Variants in FBLN1 observed in about 807,000 individuals in gnomAD.
FBLN1 encodes the protein fibulin 1.
A neutral mutation model predicts 89.7 loss-of-function variants in FBLN1; 34 were observed. The ratio of observed to expected loss-of-function variants is 0.38; its 90% CI spans 0.29 to 0.50. FBLN1 has a LOEUF of 0.50. FBLN1 is among the 20% of genes least tolerant of loss of function. The pLI is 0.92. For missense variants in FBLN1, 777 were observed against 988.1 expected, an observed-to-expected ratio of 0.79 and a Z score of 2.86; for synonymous variants, 393 against 391.3, an observed-to-expected ratio of 1.00 and a Z score of -0.05.
At chr22:45,543,042 G>GA (rs2088578127) in intron 10 of FBLN1, among the ~76,000 whole-genome samples, 1 of 152,168 alleles carries the variant, frequency 6.6e-6, no homozygotes, top group African/African-American at 2.4e-5. Context: ...TAAGGCAGGT[G>GA]AATCACTTGA....
intron 7 of FBLN1, 56 bp from the exon 8 acceptor site, chr22:45,535,144 T>C: frequency 5.6e-6 from 9 of 1,606,128 alleles, no homozygotes; most frequent in Non-Finnish European, 6.8e-6. Context: ...TAAAGTGTTG[T>C]AAGATGCTTC....
Position 45,527,994 on chromosome 22 carries a change from G to T in FBLN1, c.469G>T (p.Gly157Cys). Residue 157 changes from glycine to cysteine, a missense_variant, in exon 4 of 17, where the codon GGC becomes TGC. Transcript: ENST00000327858. ...GGAGACCGGAGATTTGGATGTCGGG[G>T]GCCTCCAAGAAACGGGTAACTTTCC... ...SQETGDLDVG[G>C]LQETDKIIEV... The T allele has an allele frequency of 6.2e-7, 1 of 1,614,200 alleles. No homozygotes were observed.
In FBLN1 at chr22:45,525,652, G is replaced by A. The variant is rs1569239672; in HGVS notation, c.295G>A (p.Ala99Thr). The A allele has an allele frequency of 2.6e-6, 4 of 1,551,378 alleles. No individual in the cohort carries two copies. Among genetic ancestry groups the A allele is most frequent in the East Asian group, 2.4e-5 (1 of 40,924 alleles). Reference sequence around the variant, plus strand: ...CTGTGCCACGCCCCACGGTGACAACGCCAGCCTGGAGGCCACATTTGTGAA... The same window carrying A: ...CTGTGCCACGCCCCACGGTGACAACACCAGCCTGGAGGCCACATTTGTGAA... Reference protein sequence around the residue: ...DRCATPHGDNASLEATFVKRC... With the variant: ...DRCATPHGDNTSLEATFVKRC... Residue 99 changes from alanine (A) to threonine (T), a missense_variant, in exon 3 of 17, where the codon GCC becomes ACC. Ala to Thr is a moderately conservative substitution (Grantham distance 58, BLOSUM62 0). Transcript: ENST00000327858.
At chr22:45,589,796 C>G (rs1193156797) in intron 16 of FBLN1, among the ~76,000 whole-genome samples, 1 of 152,088 alleles carries the variant, frequency 6.6e-6, no homozygotes, top group East Asian at 1.9e-4. Context: ...GAGCACCAAG[C>G]TGCCTCATGT....
chr22:45,589,417 C>T (rs2089116805), intron 16 of FBLN1, among the ~76,000 whole-genome samples: 1 of 152,124 alleles, frequency 6.6e-6, no homozygotes, highest in Admixed American at 6.6e-5. Context: ...CGGTCCATAG[C>T]GTAGGTGTAT....
At position 45,525,099 on chromosome 22, in the gene FBLN1, A is replaced by AAGGGAAAGAGAGAGAGAGAGAG. The variant is rs1321119072; in HGVS notation, c.186-442_186-421dup. On this transcript the variant is annotated intron_variant, in intron 2 of 16. Coordinates refer to ENST00000327858, the MANE Select transcript of FBLN1 (RefSeq NM_006486.3). ...AAAGAAAGAAAGAGAGAAAGAGAGA[A>AAGGGAAAGAGAGAGAGAGAGAG]AGGGAAAGAGAGAGAGAGAGAGAAA... Among the ~76,000 whole-genome samples the AAGGGAAAGAGAGAGAGAGAGAG allele has an allele frequency of 3.5e-5, 5 of 144,012 alleles. No individual in the cohort carries two copies. The East Asian group carries it at 1.1e-3, about 31-fold the overall frequency. The allele number at this position is 144,012 out of a possible 152,430, so 94.5% of individuals were successfully genotyped here. A position where few individuals can be genotyped will look rare whatever the true frequency, so the allele number is the denominator to read the frequency against.
In FBLN1 at chr22:45,545,141, C is replaced by T. The variant is rs965289795; in HGVS notation, c.1321+1615C>T. Among the ~76,000 whole-genome samples the T allele has an allele frequency of 1.3e-5, 2 of 152,146 alleles. No individual in the cohort carries two copies. Among genetic ancestry groups the T allele is most frequent in the East Asian group, 1.9e-4 (1 of 5,198 alleles). On this transcript the variant is annotated intron_variant, in intron 11 of 16. Coordinates refer to ENST00000327858, the MANE Select transcript of FBLN1 (RefSeq NM_006486.3). The surrounding 1 kb of genome is among the most constrained non-coding windows in gnomAD (Gnocchi z 5.9). ...TGTGCATGATTCTCAAATCGGAGGA[C>T]GGACGGTGTGAGGGGTCCTGGGCTT...
chr22:45,534,292 C>CAAAAAAAAAAAAAAAAAAA (rs136746), intron 7 of FBLN1, among the ~76,000 whole-genome samples: 15 of 83,210 alleles, frequency 1.8e-4, no homozygotes, highest in South Asian at 5.7e-4. Flanking sequence ...GTACTTTCTA[C>CAAAAAAAAAAAAAAAAAAA]AAAAAAAAAA....
chr22:45,531,416 A>G lies in FBLN1; in HGVS notation c.544+92A>G. 8.9e-7 allele frequency: 1 copy of G among 1,122,244 alleles called. No individual in the cohort carries two copies. The highest frequency in any genetic ancestry group is 2.4e-5 in the East Asian group (1 of 42,490). The allele number at this position is 1,122,244 out of a possible 1,614,324, so 69.5% of individuals were successfully genotyped here. A position where few individuals can be genotyped will look rare whatever the true frequency, so the allele number is the denominator to read the frequency against. On this transcript the variant is annotated intron_variant, in intron 5 of 16. Coordinates refer to ENST00000327858, the MANE Select transcript of FBLN1 (RefSeq NM_006486.3). This position sits in a 1 kb window ranked among gnomAD's most constrained non-coding sequence, Gnocchi z 4.9. ...AGGCCTGTAATCCTAGTACTTTGGG[A>G]AGCCAAGGCAGGAGGATTCCTTGAG...
chr22:45,526,476 A>G (rs965316109), intron 3 of FBLN1, among the ~76,000 whole-genome samples: 1 of 152,202 alleles, frequency 6.6e-6, no homozygotes, highest in Admixed American at 6.5e-5. Context: ...GGCCTGGAGG[A>G]GCTCGGGTTT....
At chr22:45,584,884 G>C (rs1317908648) in intron 16 of FBLN1, among the ~76,000 whole-genome samples, 1 of 152,232 alleles carries the variant, frequency 6.6e-6, no homozygotes, top group Non-Finnish European at 1.5e-5. Context: ...CAGCAAGCAG[G>C]CCTCTCAAGT....
rs780199592 is a variant in FBLN1 at position 45,527,907 on chromosome 22, T to C, written c.382T>C (p.Tyr128His). 3.7e-6 allele frequency: 6 copies of C among 1,614,136 alleles called. No individual in the cohort carries two copies. The East Asian group carries it at 8.9e-5, about 24-fold the overall frequency. ...AAQAQGQSCE[Y>H]SLMVGYQCGQ... ...CCAGGCCCAGGGCCAGAGCTGCGAG[T>C]ACAGCCTCATGGTTGGCTACCAGTG... Residue 128 changes from tyrosine to histidine, a missense_variant, in exon 4 of 17, where the codon TAC (tyrosine) becomes CAC (histidine). Physicochemically the swap from Tyr to His is moderately conservative, Grantham distance 83 (BLOSUM62 2). Coordinates refer to ENST00000327858, the MANE Select transcript of FBLN1 (RefSeq NM_006486.3).
intron 1 of FBLN1, among the ~76,000 whole-genome samples, chr22:45,511,300 A>G (rs978105667): frequency 7.4e-5 from 11 of 149,508 alleles, no homozygotes; most frequent in African/African-American, 2.5e-4. Context: ...GATTACAGGC[A>G]TACGTCACCA....
At chr22:45,538,960 C>T (rs1343563327) in intron 8 of FBLN1, among the ~76,000 whole-genome samples, 3 of 152,106 alleles carry the variant, frequency 2.0e-5, no homozygotes, top group Admixed American at 6.5e-5. Context: ...TTTTCTAGAA[C>T]CTTAAGGTTG....
intron 12 of FBLN1, 138 bp from the exon 13 acceptor site, chr22:45,548,475 C>T (rs1329856280): frequency 3.4e-6 from 4 of 1,180,014 alleles, no homozygotes; most frequent in Non-Finnish European, 4.8e-6. Context: ...ACGATGGTCT[C>T]TGAGGCTTCC....
At chr22:45,594,571 G>A (rs2089166998) in intron 16 of FBLN1, among the ~76,000 whole-genome samples, 2 of 152,088 alleles carry the variant, frequency 1.3e-5, no homozygotes, top group African/African-American at 4.8e-5. Flanking sequence ...TGGGTGGGTA[G>A]CATCTAATGG....
intron 16 of FBLN1, among the ~76,000 whole-genome samples, chr22:45,598,987 C>T (rs2089208877): frequency 6.6e-6 from 1 of 152,208 alleles, no homozygotes. Flanking sequence ...GCTTTGGGTG[C>T]CCTGCAGAGG....
intron 14 of FBLN1, among the ~76,000 whole-genome samples, chr22:45,567,594 C>A (rs953294826): frequency 6.6e-6 from 1 of 151,988 alleles, no homozygotes; most frequent in Non-Finnish European, 1.5e-5. Flanking sequence ...CCAGCCTGGG[C>A]GATAGAGTGA....
chr22:45,574,150 G>A lies in FBLN1; in HGVS notation c.1698-361G>A, dbSNP rs924852840. Among the ~76,000 whole-genome samples the A allele has an allele frequency of 2.0e-5, 3 of 152,204 alleles. No individual in the cohort carries two copies. The highest frequency in any genetic ancestry group is 7.2e-5 in the African/African-American group (3 of 41,446). On this transcript the variant is annotated intron_variant, in intron 14 of 16. Transcript: ENST00000327858. This position sits in a 1 kb window ranked among gnomAD's most constrained non-coding sequence, Gnocchi z 4.1. The stretch of plus-strand genomic sequence containing the variant: ...GTTCACTTTGCTGTCCCTAGCAGCC[G>A]GCGCCTGGCACTCAAAACATATTTG...
Sources: allele counts gnomAD v4.1 joint callset (sites outside exome capture counted in the v4.1 genomes callset), GRCh38; gene constraint gnomAD v4.1.1; non-coding constraint Gnocchi (gnomAD v3.1); transcripts MANE v1.5; gene names NCBI Gene and HGNC (gene_info 2026-07-23, HGNC 2026-07-21).